MYO9A: variants seen among roughly 807,000 people sequenced by gnomAD.
MYO9A encodes the protein unconventional myosin-IXa.
In MYO9A, 103 loss-of-function variants were observed where a neutral mutation model predicts 293.3. The observed-to-expected ratio is 0.35, with a 90% CI of 0.30 to 0.41. The LOEUF is 0.41. MYO9A is among the 10% of genes least tolerant of loss of function. MYO9A has a pLI of 1.00. For synonymous variants in MYO9A, 1,001 were observed against 1,035.7 expected, an observed-to-expected ratio of 0.97 and a Z score of 0.64; for missense variants, 2,685 against 3,033.0, an observed-to-expected ratio of 0.89 and a Z score of 2.69.
At chr15:71,931,592 T>G (rs558327920) in intron 18 of MYO9A, among the ~76,000 whole-genome samples, 148 of 152,300 alleles carry the variant, frequency 9.7e-4, no homozygotes, top group African/African-American at 3.4e-3. Flanking sequence ...ATGGATAGTA[T>G]TCGGTGTCCT....
At chr15:71,860,504 G>C (rs928498409) in intron 33 of MYO9A, among the ~76,000 whole-genome samples, 6 of 152,134 alleles carry the variant, frequency 3.9e-5, no homozygotes, top group African/African-American at 1.4e-4. Flanking sequence ...ATGTCATTTT[G>C]TTACACTAGC....
chr15:71,976,080 G>C (rs990509635), intron 12 of MYO9A, among the ~76,000 whole-genome samples: 3 of 152,174 alleles, frequency 2.0e-5, no homozygotes, highest in African/African-American at 7.2e-5. Flanking sequence ...GATTACAGGC[G>C]GGGGTCTGAA....
At chr15:72,098,884 A>G (rs1276517918) in intron 1 of MYO9A, among the ~76,000 whole-genome samples, 1 of 152,154 alleles carries the variant, frequency 6.6e-6, no homozygotes, top group Non-Finnish European at 1.5e-5. Flanking sequence ...GATAAAAACG[A>G]AGAAGTGATA....
Position 72,010,409 on chromosome 15 carries a change from G to A in MYO9A, c.1194C>T (p.Asp398=). 1 of 1,613,482 alleles carries A rather than the reference G, an allele frequency of 6.2e-7. No homozygotes were observed. Among genetic ancestry groups the A allele is most frequent in the Non-Finnish European group, 8.5e-7 (1 of 1,179,638 alleles). Residue 398 remains aspartate (D), a synonymous_variant, in exon 7 of 42, where the codon GAC becomes GAT. Coordinates refer to ENST00000356056, the MANE Select transcript of MYO9A (RefSeq NM_006901.4). ...FTVEGEDLRH[D]FERLQLAMEM... ...CCATGGCAAGTTGTAGGCGCTCAAA[G>A]TCATGTCTCAAATCTTCTCCTTCCA...
chr15:71,849,489 T>C (rs2055539650), intron 38 of MYO9A, among the ~76,000 whole-genome samples: 1 of 151,840 alleles, frequency 6.6e-6, no homozygotes, highest in Non-Finnish European at 1.5e-5. Context: ...TAATACAAAA[T>C]AAAGAGCAGT....
chr15:72,037,420 C>T (rs1292654437), intron 2 of MYO9A, among the ~76,000 whole-genome samples: 1 of 152,090 alleles, frequency 6.6e-6, no homozygotes, highest in Non-Finnish European at 1.5e-5. Flanking sequence ...TCGATGCTCA[C>T]AAAACACAGG....
chr15:71,852,329 A>G, intron 35 of MYO9A, 69 bp from the exon 36 acceptor site: 2 of 1,421,810 alleles, frequency 1.4e-6, no homozygotes, highest in East Asian at 2.4e-5. Flanking sequence ...TTCACTTTAG[A>G]AACTATCATC....
At chr15:72,064,561 G>C (rs2078965900) in intron 1 of MYO9A, among the ~76,000 whole-genome samples, 1 of 152,178 alleles carries the variant, frequency 6.6e-6, no homozygotes. Flanking sequence ...CTTATTTTTG[G>C]TGGTAATTAC....
chr15:72,046,078 G>A lies in MYO9A; in HGVS notation c.486C>T (p.Leu162=), dbSNP rs1479859997. Residue 162 remains leucine, a synonymous_variant, in exon 2 of 42, where the codon CTC becomes CTT. Coordinates refer to ENST00000356056, the MANE Select transcript of MYO9A (RefSeq NM_006901.4). Reference sequence around the variant, plus strand: ...TAAAGCGATTTCGTAGGTTTTCTAAGAGAGTTTTCTCATTCAAATCAGGTA... The same window carrying A: ...TAAAGCGATTTCGTAGGTTTTCTAAAAGAGTTTTCTCATTCAAATCAGGTA... ...CSLPDLNEKT[L]LENLRNRFKH... 4 of 1,613,582 alleles carry A rather than the reference G, an allele frequency of 2.5e-6. No homozygotes were observed. Among genetic ancestry groups the A allele is most frequent in the Non-Finnish European group, 3.4e-6 (4 of 1,179,912 alleles).
intron 1 of MYO9A, among the ~76,000 whole-genome samples, chr15:72,066,099 TAC>T (rs1281730145): frequency 6.6e-6 from 1 of 152,194 alleles, no homozygotes; most frequent in Non-Finnish European, 1.5e-5. Flanking sequence ...GAAGATGAGA[TAC>T]ACACAGCAGA....
chr15:72,082,880 G>C (rs1029876853), intron 1 of MYO9A, among the ~76,000 whole-genome samples: 1 of 149,358 alleles, frequency 6.7e-6, no homozygotes, highest in African/African-American at 2.5e-5. Context: ...AAGCCTACTA[G>C]ATCATGGTGG....
chr15:71,844,326 C>T (rs1360822563), intron 39 of MYO9A, among the ~76,000 whole-genome samples: 4 of 152,154 alleles, frequency 2.6e-5, no homozygotes, highest in Admixed American at 6.5e-5. Context: ...TATAGATTTG[C>T]CATGCTCTGT....
chr15:71,960,062 G>A lies in MYO9A; in HGVS notation c.2021C>T (p.Pro674Leu). ...GCTTCTCAGAAGAGCTACAATGTCT[G>A]GGCGCATATGATCTGTATTTTTTTC... is the stretch of plus-strand genomic sequence containing the variant. ...FREKNTDHMR[P>L]DIVALLRSSK... Residue 674 changes from proline (P) to leucine (L), a missense_variant, in exon 14 of 42, where the codon CCA becomes CTA. Coordinates refer to ENST00000356056, the MANE Select transcript of MYO9A (RefSeq NM_006901.4). The A allele has an allele frequency of 6.2e-7, 1 of 1,613,974 alleles. No homozygotes were observed. The highest frequency in any genetic ancestry group is 8.5e-7 in the Non-Finnish European group (1 of 1,179,942).
intron 15 of MYO9A, among the ~76,000 whole-genome samples, chr15:71,947,378 A>T (rs896054709): frequency 6.6e-6 from 1 of 152,010 alleles, no homozygotes; most frequent in African/African-American, 2.4e-5. Flanking sequence ...TGAAAGCCTC[A>T]ATCACTGATT....
At chr15:72,062,652 G>A (rs2078909955) in intron 1 of MYO9A, among the ~76,000 whole-genome samples, 1 of 151,972 alleles carries the variant, frequency 6.6e-6, no homozygotes, top group South Asian at 2.1e-4. Flanking sequence ...ATACACAGAG[G>A]AAGACAAAAG....
At chr15:71,945,583 T>C (rs1026152126) in intron 15 of MYO9A, among the ~76,000 whole-genome samples, 3 of 152,216 alleles carry the variant, frequency 2.0e-5, no homozygotes, top group African/African-American at 7.2e-5. Flanking sequence ...TACAATTTTC[T>C]ATAATTACTT....
rs1378963215 is a variant in MYO9A, at chr15:72,100,616, C to G, written c.-72+17064G>C. ...GGGGAGCACCTCTGCCCCGCCGCCC[C>G]GTCTGGGATGTGAGGAGCACCTCTG... On this transcript the variant is annotated intron_variant, in intron 1 of 41. Transcript: ENST00000356056. Among the ~76,000 whole-genome samples the G allele has an allele frequency of 3.0e-4, 46 of 151,712 alleles. 1 individual carries two copies. Among genetic ancestry groups the G allele is most frequent in the Admixed American group, 3.0e-3 (45 of 15,254 alleles).
chr15:72,079,230 C>G (rs780913080), intron 1 of MYO9A, among the ~76,000 whole-genome samples: 2 of 151,956 alleles, frequency 1.3e-5, no homozygotes, highest in African/African-American at 4.8e-5. Flanking sequence ...AAGGTGATAT[C>G]CGGAAACTCC....
chr15:72,016,513 T>C (rs2077343918), intron 6 of MYO9A, among the ~76,000 whole-genome samples: 1 of 152,228 alleles, frequency 6.6e-6, no homozygotes, highest in South Asian at 2.1e-4. Context: ...ATAAGTAATG[T>C]AGTACAACAG....
Sources: allele counts gnomAD v4.1 joint callset (sites outside exome capture counted in the v4.1 genomes callset), GRCh38; gene constraint gnomAD v4.1.1; transcripts MANE v1.5; gene names NCBI Gene and HGNC (gene_info 2026-07-23, HGNC 2026-07-21).